The following PKHD1 variants were observed in gnomAD, a reference collection of about 807,000 sequenced individuals.
PKHD1 encodes the protein PKHD1 ciliary IPT domain containing fibrocystin/polyductin.
Under a neutral mutation model 412.0 loss-of-function variants are expected in PKHD1, and 291 were observed. That is an observed-to-expected ratio of 0.71 (90% CI 0.64 to 0.78). PKHD1 has a LOEUF of 0.78. Ranked by LOEUF, PKHD1 falls within the 30% of genes least tolerant of loss-of-function variation. PKHD1 has a pLI of 0.00. For synonymous variants in PKHD1, 1,777 were observed against 1,821.5 expected (o/e 0.98, Z 0.62); for missense variants, 4,825 against 4,950.7 (o/e 0.97, Z 0.76).
At chr6:52,008,856 C>T (rs1326914345) in intron 35 of PKHD1, among the ~76,000 whole-genome samples, 1 of 152,140 alleles carries the variant, frequency 6.6e-6, no homozygotes, top group Non-Finnish European at 1.5e-5. Flanking sequence ...CCCGGGCAGT[C>T]TAGCTCCAAA....
intron 52 of PKHD1, among the ~76,000 whole-genome samples, chr6:51,807,429 C>A (rs1267934619): frequency 8.6e-6 from 1 of 115,832 alleles, no homozygotes; most frequent in African/African-American, 3.6e-5. Context: ...CAGAGCGAGA[C>A]TCTGTCTCAA....
In PKHD1 at chr6:52,010,164, T is replaced by G. The variant is rs887098688; in HGVS notation, c.5751+145A>C. Reference sequence around the variant, plus strand: ...GAGTTAACTATGAATTCAGATATTGTGCATTAGACCAGCTTCTCAAAGTTT... The same window carrying G: ...GAGTTAACTATGAATTCAGATATTGGGCATTAGACCAGCTTCTCAAAGTTT... On this transcript the variant is annotated intron_variant, in intron 35 of 66. Transcript: ENST00000371117. 5.0e-5 allele frequency: 35 copies of G among 694,574 alleles called. 1 individual carries two copies. The South Asian group carries it at 5.3e-4, about 11-fold the overall frequency. The allele number at this position is 694,574 out of a possible 1,614,324, so 43.0% of individuals were successfully genotyped here.
chr6:51,868,005 G>C lies in PKHD1; in HGVS notation c.7591C>G (p.Leu2531Val). 3 of 1,613,212 alleles carry C rather than the reference G, an allele frequency of 1.9e-6. No homozygotes were observed. The highest frequency in any genetic ancestry group is 1.3e-5 in the African/African-American group (1 of 75,020). The change falls in exon 48 of 67, where the codon CTG (leucine) becomes GTG (valine). Residue 2531 changes from leucine (L) to valine (V), a missense_variant. By Grantham distance (32) the Leu-to-Val change is conservative. Transcript: ENST00000371117. ...ATGTGACTTCTGTTTTTCCCAGACA[G>C]AGACCCATCCAAGTCTTCCAAAATT... Reference protein sequence around the residue: ...AAILEDLDGSLSGKNRSHILA... With the variant: ...AAILEDLDGSVSGKNRSHILA...
chr6:51,739,610 T>C (rs1784305050), intron 60 of PKHD1, among the ~76,000 whole-genome samples: 2 of 152,220 alleles, frequency 1.3e-5, no homozygotes, highest in Non-Finnish European at 2.9e-5. Context: ...GAACATAAGT[T>C]TGATGGCAGC....
At chr6:51,693,762 G>C (rs1778450124) in intron 60 of PKHD1, among the ~76,000 whole-genome samples, 1 of 152,186 alleles carries the variant, frequency 6.6e-6, no homozygotes, top group African/African-American at 2.4e-5. Flanking sequence ...CAGATGACAT[G>C]TACTGAGTGA....
Position 51,912,405 on chromosome 6 carries a change from G to C in PKHD1, c.6293C>G (p.Thr2098Ser). The change falls in exon 38 of 67, where the codon ACT (threonine) becomes AGT (serine). Residue 2098 changes from threonine to serine, a missense_variant. Transcript: ENST00000371117. ...KPMEEIVTVETVQDTDLYLKS... is the reference protein window; with the variant it reads ...KPMEEIVTVESVQDTDLYLKS... ...AAGATAGAGGTCTGTATCCTGCACA[G>C]TTTCCACAGTGACAATCTCTTCCAT... 6.2e-7 allele frequency: 1 copy of C among 1,612,968 alleles called. No individual in the cohort carries two copies. The highest frequency in any genetic ancestry group is 8.5e-7 in the Non-Finnish European group (1 of 1,179,144).
chr6:51,993,401 AACTTTT>A (rs1251660844), intron 35 of PKHD1, among the ~76,000 whole-genome samples: 1 of 152,228 alleles, frequency 6.6e-6, no homozygotes, highest in African/African-American at 2.4e-5. Flanking sequence ...CGAACACTTG[AACTTTT>A]ACTTTTCTTA....
intron 57 of PKHD1, among the ~76,000 whole-genome samples, chr6:51,749,586 T>A (rs1485625377): frequency 6.6e-6 from 1 of 152,248 alleles, no homozygotes; most frequent in Non-Finnish European, 1.5e-5. Flanking sequence ...GACACCGTTC[T>A]AATTCTTATT....
At position 51,867,634 on chromosome 6, in the gene PKHD1, A is replaced by G. The variant is rs112050787; in HGVS notation, c.7733+229T>C. Among the ~76,000 whole-genome samples the G allele has an allele frequency of 1.3e-3, 195 of 152,294 alleles. 1 individual carries two copies. The highest frequency in any genetic ancestry group is 0.01 in the Middle Eastern group (3 of 294). ...CCCAAAATGTCAATGAGAGGTCACA[A>G]GCTATGAGATCTGGTCCAAAGATAT... On this transcript the variant is annotated intron_variant, in intron 48 of 66. Coordinates refer to ENST00000371117, the MANE Select transcript of PKHD1 (RefSeq NM_138694.4).
At chr6:51,828,364 G>A (rs563426924) in intron 52 of PKHD1, among the ~76,000 whole-genome samples, 3 of 151,860 alleles carry the variant, frequency 2.0e-5, no homozygotes, top group East Asian at 3.9e-4. Context: ...TTATAGAGTG[G>A]TAGTGAGAAT....
At chr6:51,985,964 A>G (rs1796160153) in intron 35 of PKHD1, among the ~76,000 whole-genome samples, 1 of 152,218 alleles carries the variant, frequency 6.6e-6, no homozygotes, top group Admixed American at 6.5e-5. Flanking sequence ...ATAAGAATAT[A>G]TTTGTGATAG....
In PKHD1 at chr6:52,045,987, AG is replaced by A; in HGVS notation, c.2592+16del. On this transcript the variant is annotated intron_variant, in intron 24 of 66. Coordinates refer to ENST00000371117, the MANE Select transcript of PKHD1 (RefSeq NM_138694.4). ...AGGGCAGCAAATCCATGCCACTAGA[AG>A]GGATACTATACATACCCTGATAAAA... 6.3e-7 allele frequency: 1 copy of A among 1,585,348 alleles called. No individual in the cohort carries two copies. The highest frequency in any genetic ancestry group is 8.7e-7 in the Non-Finnish European group (1 of 1,153,998).
chr6:51,856,178 C>T, intron 48 of PKHD1, 108 bp from the exon 49 acceptor site: 2 of 785,936 alleles, frequency 2.5e-6, no homozygotes, highest in Non-Finnish European at 4.5e-6. Context: ...ATTCTCTCCA[C>T]ATATGTCTTA....
chr6:51,898,257 C>G lies in PKHD1; in HGVS notation c.6996+5340G>C, dbSNP rs377200531. On this transcript the variant is annotated intron_variant, in intron 43 of 66. Transcript: ENST00000371117. ...CACCTATTCCAAAATTGACCACATA[C>G]TTGGAAGTAAAGCTCTCCTCAGCAA... is the stretch of plus-strand genomic sequence containing the variant. Among the ~76,000 whole-genome samples, 640 of 149,730 alleles carry G rather than the reference C, an allele frequency of 4.3e-3. 5 individuals carry two copies. Among genetic ancestry groups the G allele is most frequent in the African/African-American group, 0.01 (420 of 40,798 alleles).
chr6:51,854,276 A>T (rs6458798), intron 49 of PKHD1, among the ~76,000 whole-genome samples: 141,757 of 151,958 alleles, frequency 0.93, 66,224 homozygotes, highest in East Asian at 0.99. Flanking sequence ...TCAAGGAGAC[A>T]GGAGTGCAGC....
At chr6:51,896,234 A>G (rs9395740) in intron 43 of PKHD1, among the ~76,000 whole-genome samples, 73,636 of 151,434 alleles carry the variant, frequency 0.49, 19,516 homozygotes, top group East Asian at 0.86. Context: ...CAAACAGACA[A>G]CAGTAACCTC....
intron 35 of PKHD1, among the ~76,000 whole-genome samples, chr6:51,993,086 C>T (rs1243660236): frequency 6.6e-6 from 1 of 152,224 alleles, no homozygotes; most frequent in Admixed American, 6.5e-5. Context: ...CTACAGGCAG[C>T]TTAATAAACA....
intron 35 of PKHD1, among the ~76,000 whole-genome samples, chr6:51,962,105 G>C (rs1349826837): frequency 6.6e-6 from 1 of 151,998 alleles, no homozygotes; most frequent in Non-Finnish European, 1.5e-5. Flanking sequence ...CAAAGCTTAG[G>C]GTCTTTGGCC....
At chr6:51,718,933 G>A (rs1348297027) in intron 60 of PKHD1, among the ~76,000 whole-genome samples, 2 of 152,014 alleles carry the variant, frequency 1.3e-5, no homozygotes, top group African/African-American at 4.8e-5. Context: ...TATGGCACAG[G>A]GGTTATATAT....
Sources: gnomAD v4.1 joint callset for allele counts (sites outside exome capture counted in the v4.1 genomes callset) on GRCh38, gnomAD v4.1.1 for gene constraint, MANE v1.5 for transcripts, NCBI Gene and HGNC (gene_info 2026-07-23, HGNC 2026-07-21) for gene names.